Variants in CATSPERT observed in about 807,000 individuals in gnomAD.
The protein encoded by CATSPERT is catsper channel auxiliary subunit tau.
chr2:201,574,246 A>C, the CATSPERT span: 1 of 1,606,644 alleles, frequency 6.2e-7, no homozygotes, highest in Non-Finnish European at 8.5e-7. Flanking sequence ...TCCATAGGAG[A>C]ACATAAATTC....
At chr2:201,583,346 A>G in the CATSPERT span, among the ~76,000 whole-genome samples, 1 of 152,230 alleles carries the variant, frequency 6.6e-6, no homozygotes, top group East Asian at 1.9e-4. Context: ...CCCTTCTCCC[A>G]TCACATCTAC....
the CATSPERT span, among the ~76,000 whole-genome samples, chr2:201,541,008 A>G: frequency 1.3e-5 from 2 of 152,242 alleles, no homozygotes; most frequent in South Asian, 2.1e-4. Flanking sequence ...GATGTTCAAT[A>G]AAACTTCAGT....
the CATSPERT span, among the ~76,000 whole-genome samples, chr2:201,558,846 C>T: frequency 6.6e-6 from 1 of 152,172 alleles, no homozygotes; most frequent in Non-Finnish European, 1.5e-5. Flanking sequence ...GCGCCATCTT[C>T]ATTACACCTC....
chr2:201,618,996 C>G, the CATSPERT span: 5 of 1,613,978 alleles, frequency 3.1e-6, no homozygotes, highest in Non-Finnish European at 3.4e-6. Flanking sequence ...AAGCCTCCGA[C>G]CCTTTAATGT....
chr2:201,567,379 G>A, the CATSPERT span, among the ~76,000 whole-genome samples: 1 of 152,120 alleles, frequency 6.6e-6, no homozygotes, highest in African/African-American at 2.4e-5. Context: ...GAACCAATAG[G>A]ATGTATATAT....
chr2:201,574,038 ATCTT>A, the CATSPERT span, among the ~76,000 whole-genome samples: 57 of 152,346 alleles, frequency 3.7e-4, no homozygotes, highest in African/African-American at 1.3e-3. Context: ...GTAAAGTCTC[ATCTT>A]TCTTTAGGCT....
At chr2:201,577,110 C>T in the CATSPERT span, among the ~76,000 whole-genome samples, 179 of 152,198 alleles carry the variant, frequency 1.2e-3, no homozygotes, top group Admixed American at 3.1e-3. Flanking sequence ...GTTTCATGCA[C>T]AAAATTATTT....
chr2:201,605,868 A>G, the CATSPERT span, among the ~76,000 whole-genome samples: 4 of 152,244 alleles, frequency 2.6e-5, no homozygotes, highest in Admixed American at 6.5e-5. Context: ...GAAAGAAAAA[A>G]TGAAATGAGT....
the CATSPERT span, among the ~76,000 whole-genome samples, chr2:201,581,657 G>A: frequency 7.0e-6 from 1 of 141,978 alleles, no homozygotes; most frequent in Non-Finnish European, 1.5e-5. Flanking sequence ...TGCCCAGGCT[G>A]GAGTGCAATG....
the CATSPERT span, among the ~76,000 whole-genome samples, chr2:201,512,754 A>AT: frequency 6.6e-6 from 1 of 152,096 alleles, no homozygotes; most frequent in East Asian, 1.9e-4. Context: ...GTATATAGGT[A>AT]TTTTTATGAA....
chr2:201,558,737 C>T, the CATSPERT span, among the ~76,000 whole-genome samples: 2 of 152,190 alleles, frequency 1.3e-5, no homozygotes, highest in African/African-American at 4.8e-5. Context: ...CCGCTGCCCC[C>T]AGATCCACCT....
chr2:201,523,981 A>C, the CATSPERT span, among the ~76,000 whole-genome samples: 5 of 152,210 alleles, frequency 3.3e-5, no homozygotes, highest in East Asian at 9.6e-4. Flanking sequence ...TATCTGAGAA[A>C]TATAGGGTTA....
At chr2:201,496,634 C>T in the CATSPERT span, among the ~76,000 whole-genome samples, 1 of 152,304 alleles carries the variant, frequency 6.6e-6, no homozygotes, top group Non-Finnish European at 1.5e-5. Flanking sequence ...TGAGCCACCG[C>T]GCCCGGCCAT....
chr2:201,487,644 T>TAA, the CATSPERT span: 160 of 1,612,358 alleles, frequency 9.9e-5, no homozygotes, highest in Middle Eastern at 3.3e-4. Context: ...TTTGGCCGCA[T>TAA]TTTATGCATT....
At chr2:201,571,719 C>T in the CATSPERT span, among the ~76,000 whole-genome samples, 2 of 152,270 alleles carry the variant, frequency 1.3e-5, no homozygotes, top group African/African-American at 4.8e-5. Context: ...TATCTCCATA[C>T]GTCCTCAACT....
chr2:201,557,831 T>C, the CATSPERT span: 1 of 152,216 alleles, frequency 6.6e-6, no homozygotes, highest in African/African-American at 2.4e-5. Flanking sequence ...ACATCTAGCA[T>C]TTCTCCATAT....
the CATSPERT span, among the ~76,000 whole-genome samples, chr2:201,589,140 G>A: frequency 3.3e-5 from 5 of 152,250 alleles, no homozygotes; most frequent in Admixed American, 1.3e-4. Context: ...CCATGCTCAT[G>A]CATAGAAAGA....
chr2:201,542,975 C>A, the CATSPERT span, among the ~76,000 whole-genome samples: 9 of 152,110 alleles, frequency 5.9e-5, no homozygotes, highest in Non-Finnish European at 8.8e-5. Context: ...AGGAGTTTTA[C>A]AGTTTCCAGT....
chr2:201,608,620 C>T, the CATSPERT span, among the ~76,000 whole-genome samples: 2 of 152,040 alleles, frequency 1.3e-5, no homozygotes, highest in African/African-American at 4.8e-5. Flanking sequence ...AGTTCCAGAC[C>T]AGCCTGGGCT....
Sources: allele counts gnomAD v4.1 joint callset (sites outside exome capture counted in the v4.1 genomes callset), GRCh38; gene constraint gnomAD v4.1.1; transcripts MANE v1.5; gene names NCBI Gene and HGNC (gene_info 2026-07-23, HGNC 2026-07-21).